The following GALNT13 variants were observed in gnomAD, a reference collection of about 807,000 sequenced individuals.
GALNT13 encodes the protein polypeptide N-acetylgalactosaminyltransferase 13, also known as UDP-GalNAc:polypeptide N-acetylgalactosaminyltransferase 13.
GALNT13 carries 28 observed loss-of-function variants against 64.2 expected under a neutral mutation model. The ratio of observed to expected loss-of-function variants is 0.44; its 90% CI spans 0.32 to 0.60. The LOEUF (loss-of-function observed/expected upper bound fraction) is 0.60. GALNT13 is among the 20% of genes least tolerant of loss of function. GALNT13 has a pLI of 0.05. For missense variants in GALNT13, 577 were observed against 669.8 expected (o/e 0.86, Z 1.53); for synonymous variants, 214 against 224.6 (o/e 0.95, Z 0.42).
chr2:153,847,014 A>G, the GALNT13 span, among the ~76,000 whole-genome samples: 1 of 152,136 alleles, frequency 6.6e-6, no homozygotes, highest in Non-Finnish European at 1.5e-5. Context: ...TCTTAAATAT[A>G]AGGACACCTA....
chr2:153,257,913 G>T, the GALNT13 span, among the ~76,000 whole-genome samples: 2 of 152,110 alleles, frequency 1.3e-5, no homozygotes, highest in South Asian at 4.1e-4. Flanking sequence ...GCCAATAAAA[G>T]ACCCTTGGGA....
At chr2:153,115,013 C>T in the GALNT13 span, among the ~76,000 whole-genome samples, 1 of 151,684 alleles carries the variant, frequency 6.6e-6, no homozygotes, top group East Asian at 1.9e-4. Context: ...ATAATACCTA[C>T]CTCATGGGCT....
At chr2:153,077,273 A>G in the GALNT13 span, among the ~76,000 whole-genome samples, 2 of 152,024 alleles carry the variant, frequency 1.3e-5, no homozygotes, top group African/African-American at 2.4e-5. Context: ...TGAAACAACT[A>G]TCTAGCTGCA....
the GALNT13 span, among the ~76,000 whole-genome samples, chr2:153,823,552 A>G: frequency 2.0e-5 from 3 of 152,186 alleles, no homozygotes; most frequent in Non-Finnish European, 1.5e-5. Flanking sequence ...ATGCTGGGAT[A>G]ACTGGCTAGC....
chr2:154,130,716 A>T (rs554552827), intron 3 of GALNT13, among the ~76,000 whole-genome samples: 104 of 152,302 alleles, frequency 6.8e-4, no homozygotes, highest in African/African-American at 2.4e-3. Context: ...TCCACTTCCT[A>T]ACTAGATGCA....
chr2:153,294,593 G>A, the GALNT13 span, among the ~76,000 whole-genome samples: 2,693 of 152,202 alleles, frequency 0.018, 74 homozygotes, highest in African/African-American at 0.057. Context: ...AATTTCTTGC[G>A]TCTTGAATAA....
the GALNT13 span, among the ~76,000 whole-genome samples, chr2:153,222,452 T>C: frequency 9.2e-6 from 1 of 108,464 alleles, no homozygotes; most frequent in Non-Finnish European, 1.9e-5. Flanking sequence ...CAGCCTCAGA[T>C]TCCACCAGGA....
chr2:154,214,330 A>G (rs1687930374), intron 4 of GALNT13, among the ~76,000 whole-genome samples: 1 of 152,048 alleles, frequency 6.6e-6, no homozygotes, highest in Non-Finnish European at 1.5e-5. Flanking sequence ...CATTTATTAC[A>G]TGTTATATTA....
At chr2:153,358,261 T>C in the GALNT13 span, among the ~76,000 whole-genome samples, 1 of 152,206 alleles carries the variant, frequency 6.6e-6, no homozygotes, top group Admixed American at 6.5e-5. Context: ...AGTATGTATG[T>C]CTTTATCAAC....
chr2:153,528,689 ATACTTTTAAAAACCCT>A, the GALNT13 span, among the ~76,000 whole-genome samples: 2 of 151,990 alleles, frequency 1.3e-5, no homozygotes, highest in Non-Finnish European at 2.9e-5. Context: ...AATTTTTAAA[ATACTTTTAAAAACCCT>A]GAGTAATATC....
intron 3 of GALNT13, among the ~76,000 whole-genome samples, chr2:153,999,592 G>T (rs1313164476): frequency 6.6e-6 from 1 of 151,936 alleles, no homozygotes; most frequent in African/African-American, 2.4e-5. Flanking sequence ...TTCTGTCCTT[G>T]ATTTTGTTAA....
chr2:153,614,955 CA>C, the GALNT13 span, among the ~76,000 whole-genome samples: 1 of 151,984 alleles, frequency 6.6e-6, no homozygotes, highest in Non-Finnish European at 1.5e-5. Flanking sequence ...GTTGTGTTAT[CA>C]AATAGTAGGT....
intron 9 of GALNT13, among the ~76,000 whole-genome samples, chr2:154,345,679 C>T (rs1030099685): frequency 6.6e-6 from 1 of 151,950 alleles, no homozygotes; most frequent in Non-Finnish European, 1.5e-5. Context: ...GACACAAACT[C>T]CTAATAATTA....
the GALNT13 span, among the ~76,000 whole-genome samples, chr2:153,122,144 A>G: frequency 3.3e-5 from 5 of 152,138 alleles, no homozygotes; most frequent in Non-Finnish European, 7.4e-5. Context: ...TTGATTAAAA[A>G]TAATTTTAGA....
chr2:154,147,210 C>T (rs1229016962), intron 4 of GALNT13, among the ~76,000 whole-genome samples: 7 of 151,884 alleles, frequency 4.6e-5, no homozygotes, highest in Admixed American at 4.6e-4. Context: ...ATTCTATGTT[C>T]TGACTTTCTA....
intron 3 of GALNT13, among the ~76,000 whole-genome samples, chr2:153,998,915 G>A (rs903341379): frequency 5.9e-5 from 9 of 151,930 alleles, no homozygotes; most frequent in Non-Finnish European, 1.2e-4. Context: ...ACAGACAAAT[G>A]GAAAATCATT....
chr2:154,180,575 T>A (rs1044894069), intron 4 of GALNT13, among the ~76,000 whole-genome samples: 3 of 152,116 alleles, frequency 2.0e-5, no homozygotes, highest in Non-Finnish European at 2.9e-5. Flanking sequence ...TGGAAACTTT[T>A]TTAAAAATCC....
chr2:153,565,671 T>C, the GALNT13 span, among the ~76,000 whole-genome samples: 1 of 152,216 alleles, frequency 6.6e-6, no homozygotes, highest in Non-Finnish European at 1.5e-5. Context: ...GAGGACCTGC[T>C]GTTTATAATT....
intron 3 of GALNT13, among the ~76,000 whole-genome samples, chr2:154,091,985 T>C (rs1269299634): frequency 2.1e-5 from 3 of 139,686 alleles, no homozygotes; most frequent in Non-Finnish European, 4.5e-5. Context: ...AAAATTTAGA[T>C]AGGCAAAAGC....
Sources: allele counts gnomAD v4.1 joint callset (sites outside exome capture counted in the v4.1 genomes callset), GRCh38; gene constraint gnomAD v4.1.1; transcripts MANE v1.5; gene names NCBI Gene and HGNC (gene_info 2026-07-23, HGNC 2026-07-21).